The following EFHC1 variants were observed in gnomAD, a reference collection of about 807,000 sequenced individuals.
EFHC1 encodes the protein EF-hand domain-containing protein 1.
In EFHC1, 53 loss-of-function variants were observed where a neutral mutation model predicts 69.9. The ratio of observed to expected loss-of-function variants is 0.76; its 90% CI spans 0.61 to 0.95. The LOEUF is 0.95. Among genes scored for constraint, EFHC1 ranks in the 40% least tolerant of loss-of-function variants. The pLI is 0.00. For missense variants in EFHC1, 739 were observed against 798.7 expected, an observed-to-expected ratio of 0.93 and a Z score of 0.90; for synonymous variants, 256 against 278.4, an observed-to-expected ratio of 0.92 and a Z score of 0.80.
chr6:52,447,642 G>A (rs1487071829), intron 3 of EFHC1, among the ~76,000 whole-genome samples: 2 of 152,184 alleles, frequency 1.3e-5, no homozygotes, highest in African/African-American at 2.4e-5. Flanking sequence ...GAGGAGAAGA[G>A]GCACTCTGAT....
At chr6:52,455,185 G>A (rs1402718177) in intron 5 of EFHC1, among the ~76,000 whole-genome samples, 1 of 152,110 alleles carries the variant, frequency 6.6e-6, no homozygotes, top group Admixed American at 6.5e-5. Flanking sequence ...GGGATGAGTA[G>A]GCTTGCTTTA....
rs949469371 is a variant in EFHC1, at chr6:52,482,684, G to A, written c.1640+2897G>A. 8.8e-5 allele frequency: 35 copies of A among 396,662 alleles called. No homozygotes were observed. The East Asian group carries it at 1.1e-3, about 12-fold the overall frequency. 24.6% of individuals were successfully genotyped at this position (396,662 alleles called of 1,614,324 possible). On this transcript the variant is annotated intron_variant, in intron 9 of 10. Transcript: ENST00000371068. The stretch of plus-strand genomic sequence containing the variant: ...GTCTTAGACTTCCTTTAATGAGAAT[G>A]AAATATCTCTGAGAGTTCTTTTAAT...
At chr6:52,485,974 AGATGAGTTAG>A (rs1209230032) in intron 9 of EFHC1, 2 of 152,104 alleles carry the variant, frequency 1.3e-5, no homozygotes, top group Non-Finnish European at 2.9e-5. Context: ...TGGGTCAGAG[AGATGAGTTAG>A]GAAAAACACA....
Position 52,424,154 on chromosome 6 carries a change from C to A in EFHC1, c.272C>A (p.Ala91Asp), listed in dbSNP as rs776099549. The A allele has an allele frequency of 6.2e-7, 1 of 1,613,804 alleles. No homozygotes were observed. The highest frequency in any genetic ancestry group is 8.5e-7 in the Non-Finnish European group (1 of 1,179,846). The change falls in exon 2 of 11, where the codon GCC becomes GAC. Residue 91 changes from alanine to aspartate, a missense_variant. Ala to Asp is a moderately radical substitution (Grantham distance 126, BLOSUM62 -2). Coordinates refer to ENST00000371068, the MANE Select transcript of EFHC1 (RefSeq NM_018100.4). ...GCGGATTTTATTCCTGCGCATGTGG[C>A]CTTTGACAAAAAGGTATCATCTGGA... Reference protein sequence around the residue: ...PPADFIPAHVAFDKKVLKFDA... With the variant: ...PPADFIPAHVDFDKKVLKFDA...
chr6:52,430,834 G>A (rs1764398057), intron 2 of EFHC1, among the ~76,000 whole-genome samples: 2 of 152,088 alleles, frequency 1.3e-5, no homozygotes, highest in Non-Finnish European at 2.9e-5. Context: ...TCTGGTCCTG[G>A]ACTTTTTCCT....
rs1248182163 is a variant in EFHC1, at chr6:52,420,413, GGTGTCCAATCCC to G, written c.7_18del (p.Ser3_Val6del). ...TGGCGGCGGTGGTACCGGCTGCAAT[GGTGTCCAATCCC>G]GTGCATGGCTTGCCCTTTCTTCCGG... On this transcript the variant is annotated inframe_deletion, in exon 1 of 11. Transcript: ENST00000371068. The G allele has an allele frequency of 1.2e-6, 2 of 1,614,064 alleles. No homozygotes were observed. Among genetic ancestry groups the G allele is most frequent in the African/African-American group, 2.7e-5 (2 of 74,918 alleles).
In EFHC1 at chr6:52,452,776, G is replaced by A. The variant is rs79761183; in HGVS notation, c.662G>A (p.Arg221His). 2,127 of 1,614,130 alleles carry A rather than the reference G, an allele frequency of 1.3e-3. 32 individuals carry two copies. In the African/African-American group the frequency reaches 0.024, roughly 18 times the overall value. ...PYTELRKQPL[R>H]KYVTPSDFDQ... ...ACTGAACTCCGAAAACAGCCTCTTC[G>A]TAAGTATGTCACCCCATCAGACTTT... Residue 221 changes from arginine (R) to histidine (H), a missense_variant, in exon 4 of 11, where the codon CGT becomes CAT. Physicochemically the swap from Arg to His is conservative, Grantham distance 29 (BLOSUM62 0). Transcript: ENST00000371068.
chr6:52,435,662 A>G (rs1298255900), intron 2 of EFHC1, among the ~76,000 whole-genome samples: 2 of 152,178 alleles, frequency 1.3e-5, no homozygotes, highest in East Asian at 1.9e-4. Context: ...AGGGGCTTCC[A>G]GTCTGATTGC....
At chr6:52,472,506 ATAAAGT>A (rs1047168271) in intron 7 of EFHC1, among the ~76,000 whole-genome samples, 8 of 152,194 alleles carry the variant, frequency 5.3e-5, no homozygotes, top group African/African-American at 1.4e-4. Context: ...CAAAGAAAAC[ATAAAGT>A]TAAAAAATAC....
chr6:52,438,725 A>G (rs1764593318), intron 3 of EFHC1, 134 bp downstream of exon 3: 3 of 963,676 alleles, frequency 3.1e-6, no homozygotes, highest in Non-Finnish European at 1.6e-6. Context: ...ATGGCTAGGT[A>G]TTTGCATGTG....
chr6:52,477,688 C>T (rs1344159663), intron 7 of EFHC1, among the ~76,000 whole-genome samples: 1 of 152,226 alleles, frequency 6.6e-6, no homozygotes, highest in East Asian at 1.9e-4. Flanking sequence ...CTCATCATCA[C>T]TGGCCATCAG....
intron 2 of EFHC1, among the ~76,000 whole-genome samples, chr6:52,432,744 C>T (rs1431091545): frequency 1.3e-5 from 2 of 152,082 alleles, no homozygotes; most frequent in Non-Finnish European, 2.9e-5. Flanking sequence ...GTTTGGATGT[C>T]TAGAGAAGTT....
chr6:52,466,374 C>T (rs1765307187), intron 6 of EFHC1, among the ~76,000 whole-genome samples: 1 of 152,166 alleles, frequency 6.6e-6, no homozygotes, highest in Admixed American at 6.5e-5. Flanking sequence ...TTTGCTTGTG[C>T]TCTTCCTCCT....
intron 2 of EFHC1, among the ~76,000 whole-genome samples, chr6:52,430,532 T>A (rs2113972206): frequency 6.6e-6 from 1 of 152,288 alleles, no homozygotes; most frequent in East Asian, 1.9e-4. Context: ...GTATGTTAAA[T>A]CATCCCTGCA....
rs1007880044 is a variant in EFHC1 at position 52,438,489 on chromosome 6, T to C, written c.471T>C (p.Asn157=). Residue 157 remains asparagine, a synonymous_variant, in exon 3 of 11, where the codon AAT becomes AAC. Transcript: ENST00000371068. ...KLIKRQRLAK[N]DRGDHYHWKD... ...TAAAACGCCAGCGGCTAGCCAAGAATGACCGGGGTGACCATTACCATTGGA... is the reference window on the plus strand; with the variant it reads ...TAAAACGCCAGCGGCTAGCCAAGAACGACCGGGGTGACCATTACCATTGGA... 1.2e-6 allele frequency: 2 copies of C among 1,613,970 alleles called. No homozygotes were observed. The highest frequency in any genetic ancestry group is 1.7e-5 in the Admixed American group (1 of 59,970).
intron 1 of EFHC1, among the ~76,000 whole-genome samples, chr6:52,422,306 G>C (rs1488825786): frequency 6.6e-6 from 1 of 152,198 alleles, no homozygotes; most frequent in East Asian, 1.9e-4. Flanking sequence ...GTCTTTGGTG[G>C]TGGAAGAAGA....
intron 6 of EFHC1, 42 bp from the exon 7 acceptor site, chr6:52,469,291 A>T: frequency 6.2e-7 from 1 of 1,612,838 alleles, no homozygotes; most frequent in Middle Eastern, 1.7e-4. Context: ...ATCTTAACAC[A>T]AGTAGTATCT....
In EFHC1 at chr6:52,438,654, C is replaced by T. The variant is rs1050616417; in HGVS notation, c.573+63C>T. On this transcript the variant is annotated intron_variant, in intron 3 of 10. Coordinates refer to ENST00000371068, the MANE Select transcript of EFHC1 (RefSeq NM_018100.4). ...CATCATTCTAATTTATAGAAGGATA[C>T]ATTTCATTTATTAGGGTAAGGGGAG... 4 of 1,550,430 alleles carry T rather than the reference C, an allele frequency of 2.6e-6. No individual in the cohort carries two copies. In the African/African-American group the frequency reaches 4.1e-5, roughly 16 times the overall value.
At position 52,438,389 on chromosome 6, in the gene EFHC1, A is replaced by G. The variant is rs757440981; in HGVS notation, c.371A>G (p.Tyr124Cys). ...QYRIRQVNIY[Y>C]YLEDDSMSVI... ...AGGATCCGTCAGGTGAACATTTACT[A>G]TTATCTAGAAGATGACAGCATGTCT... The change falls in exon 3 of 11, where the codon TAT (tyrosine) becomes TGT (cysteine). Residue 124 changes from tyrosine to cysteine, a missense_variant. By Grantham distance (194) the Tyr-to-Cys change is radical (BLOSUM62 -2). Transcript: ENST00000371068. The G allele has an allele frequency of 1.2e-5, 20 of 1,613,982 alleles. No homozygotes were observed. The highest frequency in any genetic ancestry group is 1.6e-5 in the Non-Finnish European group (19 of 1,179,942).
Sources: gnomAD v4.1 joint callset for allele counts (sites outside exome capture counted in the v4.1 genomes callset) on GRCh38, gnomAD v4.1.1 for gene constraint, MANE v1.5 for transcripts, NCBI Gene and HGNC (gene_info 2026-07-23, HGNC 2026-07-21) for gene names.